Variants in ATRNL1 observed in about 807,000 individuals in gnomAD.
ATRNL1 encodes attractin-like protein 1.
Under a neutral mutation model 182.7 loss-of-function variants are expected in ATRNL1, and 95 were observed. The observed-to-expected ratio is 0.52, with a 90% CI of 0.44 to 0.62. The LOEUF is 0.62. Among genes scored for constraint, ATRNL1 ranks in the 20% least tolerant of loss-of-function variants. The probability of loss-of-function intolerance (pLI) is 0.00; values close to 1 mark genes in which losing one functional copy is unlikely to be tolerated. For synonymous variants in ATRNL1, 576 were observed against 568.3 expected (o/e 1.01, Z -0.19); for missense variants, 1,471 against 1,679.5 (o/e 0.88, Z 2.17).
chr10:115,295,937 G>A (rs1853165336), intron 15 of ATRNL1, among the ~76,000 whole-genome samples: 1 of 152,094 alleles, frequency 6.6e-6, no homozygotes. Flanking sequence ...CTCCAGAGGT[G>A]GCTCTGGTCT....
chr10:115,839,613 T>A (rs540215824), intron 27 of ATRNL1, among the ~76,000 whole-genome samples: 1 of 152,150 alleles, frequency 6.6e-6, no homozygotes, highest in Non-Finnish European at 1.5e-5. Context: ...AGTCATCTTC[T>A]GCAAGGTAAA....
At chr10:115,566,583 G>A (rs187721230) in intron 26 of ATRNL1, among the ~76,000 whole-genome samples, 275 of 152,098 alleles carry the variant, frequency 1.8e-3, no homozygotes, top group Non-Finnish European at 2.1e-3. Context: ...ATGATATTAC[G>A]GAGACTATTA....
intron 28 of ATRNL1, among the ~76,000 whole-genome samples, chr10:115,916,900 T>C (rs1354921472): frequency 6.6e-6 from 1 of 152,182 alleles, no homozygotes; most frequent in Non-Finnish European, 1.5e-5. Flanking sequence ...GTCTGGGTAT[T>C]TATATTGCTT....
intron 26 of ATRNL1, among the ~76,000 whole-genome samples, chr10:115,675,878 A>C (rs1189447478): frequency 6.6e-6 from 1 of 152,060 alleles, no homozygotes; most frequent in East Asian, 1.9e-4. Flanking sequence ...AGAAAGCTCA[A>C]AAAGCTAGTG....
chr10:115,750,735 A>T (rs1266824237), intron 27 of ATRNL1, among the ~76,000 whole-genome samples: 1 of 152,074 alleles, frequency 6.6e-6, no homozygotes, highest in Non-Finnish European at 1.5e-5. Flanking sequence ...AAGGGTTGTT[A>T]TCCCTAAAAT....
chr10:115,504,243 T>G (rs558358253), intron 24 of ATRNL1, among the ~76,000 whole-genome samples: 10 of 152,228 alleles, frequency 6.6e-5, no homozygotes, highest in African/African-American at 1.9e-4. Flanking sequence ...TGCAAAATTG[T>G]ACCTGAGACA....
intron 20 of ATRNL1, among the ~76,000 whole-genome samples, chr10:115,412,892 T>C (rs1347659999): frequency 6.6e-6 from 1 of 152,214 alleles, no homozygotes; most frequent in Non-Finnish European, 1.5e-5. Context: ...TTTCTTCTTA[T>C]GTTGAAAATA....
At position 115,447,271 on chromosome 10, in the gene ATRNL1, C is replaced by G. The variant is rs1424294102; in HGVS notation, c.3323-14670C>G. 2.6e-5 allele frequency among the ~76,000 whole-genome samples: 4 copies of G among 151,612 alleles called. No individual in the cohort carries two copies. The East Asian group carries it at 7.7e-4, about 29-fold the overall frequency. ...CTTTAATAAAGCTTAACGCCTTGCT[C>G]TATTTGCTTTGGATTTTTTAAAAAG... On this transcript the variant is annotated intron_variant, in intron 21 of 28. Transcript: ENST00000355044.
At chr10:115,250,475 G>C (rs1850828672) in intron 10 of ATRNL1, among the ~76,000 whole-genome samples, 1 of 152,152 alleles carries the variant, frequency 6.6e-6, no homozygotes, top group Non-Finnish European at 1.5e-5. Context: ...TATGTGCCTA[G>C]CTGCAGAGTT....
intron 26 of ATRNL1, among the ~76,000 whole-genome samples, chr10:115,715,929 C>T (rs1947236014): frequency 6.6e-6 from 1 of 152,154 alleles, no homozygotes; most frequent in African/African-American, 2.4e-5. Flanking sequence ...GAATGAGTTA[C>T]TCCAATGAGC....
chr10:115,310,071 G>A (rs1554927385), intron 17 of ATRNL1, among the ~76,000 whole-genome samples: 1 of 152,012 alleles, frequency 6.6e-6, no homozygotes, highest in African/African-American at 2.4e-5. Context: ...AGATATGCTG[G>A]ATTTTAATGA....
rs782713730 is a variant in ATRNL1 at position 115,171,139 on chromosome 10, ACTC to A, written c.1198_1200del (p.Pro400del). 3.7e-6 allele frequency: 6 copies of A among 1,610,456 alleles called. No homozygotes were observed. Among genetic ancestry groups the A allele is most frequent in the East Asian group, 2.2e-5 (1 of 44,720 alleles). On this transcript the variant is annotated inframe_deletion, in exon 8 of 29. Transcript: ENST00000355044. ...ACATAGTCAGTCATGGAGTACAAAA[ACTC>A]CTACTGTTCTTGGACATGGTCAGCA... is the stretch of plus-strand genomic sequence containing the variant.
chr10:115,281,362 A>G lies in ATRNL1; in HGVS notation c.2108A>G (p.Lys703Arg). Residue 703 changes from lysine to arginine, a missense_variant, in exon 14 of 29, where the codon AAG (lysine) becomes AGG (arginine). Physicochemically the swap from Lys to Arg is conservative, Grantham distance 26. This residue lies in a region of ATRNL1 where 1,031 missense variants were observed against 1,156.0 expected (regional missense o/e 0.89). Coordinates refer to ENST00000355044, the MANE Select transcript of ATRNL1 (RefSeq NM_207303.4). The stretch of plus-strand genomic sequence containing the variant: ...GCTCTTTTAATTTTGTAGTCTGTCA[A>G]GAACTACACCAAATGTCATGTGAGA... ...SANSNCSMSVKNYTKCHVRNE... is the reference protein window; with the variant it reads ...SANSNCSMSVRNYTKCHVRNE... 1.2e-6 allele frequency: 2 copies of G among 1,611,556 alleles called. No homozygotes were observed. The highest frequency in any genetic ancestry group is 1.7e-6 in the Non-Finnish European group (2 of 1,178,826).
chr10:115,433,952 C>T (rs1846285056), intron 21 of ATRNL1, among the ~76,000 whole-genome samples: 1 of 152,082 alleles, frequency 6.6e-6, no homozygotes, highest in Non-Finnish European at 1.5e-5. Flanking sequence ...TGTAAGGGTA[C>T]TCAGCTGAGT....
At chr10:115,230,870 T>TGAGAGA (rs1169884107) in intron 9 of ATRNL1, among the ~76,000 whole-genome samples, 1,269 of 83,414 alleles carry the variant, frequency 0.015, 7 homozygotes, top group Non-Finnish European at 0.02. Flanking sequence ...ATAGAGTGGA[T>TGAGAGA]GAGAGAGAGA....
chr10:115,560,981 C>T (rs552647487), intron 26 of ATRNL1, among the ~76,000 whole-genome samples: 78 of 152,240 alleles, frequency 5.1e-4, no homozygotes, highest in Non-Finnish European at 3.2e-4. Context: ...ACCCATTACT[C>T]GTATCACCAT....
At chr10:115,702,800 A>G (rs542874568) in intron 26 of ATRNL1, among the ~76,000 whole-genome samples, 1 of 152,032 alleles carries the variant, frequency 6.6e-6, no homozygotes, top group African/African-American at 2.4e-5. Context: ...ATGACTAATG[A>G]AAAACATTCT....
At chr10:115,817,320 G>A (rs997605262) in intron 27 of ATRNL1, among the ~76,000 whole-genome samples, 1 of 152,038 alleles carries the variant, frequency 6.6e-6, no homozygotes, top group Admixed American at 6.6e-5. Flanking sequence ...AATTATTTAT[G>A]AGGTCATAAT....
At chr10:115,159,678 T>C (rs1846686874) in intron 5 of ATRNL1, among the ~76,000 whole-genome samples, 2 of 146,848 alleles carry the variant, frequency 1.4e-5, no homozygotes, top group Non-Finnish European at 3.0e-5. Context: ...GGAGGCTTGA[T>C]GATGAAAGAG....
Sources: allele counts gnomAD v4.1 joint callset (sites outside exome capture counted in the v4.1 genomes callset), GRCh38; gene constraint gnomAD v4.1.1; regional missense constraint gnomAD v4.1.1; transcripts MANE v1.5; gene names NCBI Gene and HGNC (gene_info 2026-07-23, HGNC 2026-07-21).